Variants in TCERG1L observed in about 807,000 individuals in gnomAD.
TCERG1L encodes the protein transcription elongation regulator 1 like.
A neutral mutation model predicts 56.3 loss-of-function variants in TCERG1L; 37 were observed. That is an observed-to-expected ratio of 0.66 (90% CI 0.51 to 0.87). The LOEUF (loss-of-function observed/expected upper bound fraction) is 0.87. TCERG1L is among the 40% of genes least tolerant of loss of function. TCERG1L has a pLI of 0.00. For missense variants in TCERG1L, 799 were observed against 774.2 expected (o/e 1.03, Z -0.38); for synonymous variants, 324 against 326.3 (o/e 0.99, Z 0.08).
intron 4 of TCERG1L, among the ~76,000 whole-genome samples, chr10:131,195,532 C>T (rs1845350684): frequency 6.6e-6 from 1 of 152,204 alleles, no homozygotes; most frequent in South Asian, 2.1e-4. Context: ...TCTTCCCAAT[C>T]CCCCTCCCCT....
chr10:131,154,339 G>C (rs975823151), intron 6 of TCERG1L, among the ~76,000 whole-genome samples: 2 of 152,160 alleles, frequency 1.3e-5, no homozygotes, highest in Non-Finnish European at 2.9e-5. Flanking sequence ...TTCAAAATCA[G>C]CTGGCTGGTG....
chr10:131,286,460 T>C (rs1846544252), intron 3 of TCERG1L, among the ~76,000 whole-genome samples: 1 of 152,246 alleles, frequency 6.6e-6, no homozygotes, highest in Non-Finnish European at 1.5e-5. Flanking sequence ...ACCCGCATAC[T>C]AGCCTTATTT....
intron 4 of TCERG1L, among the ~76,000 whole-genome samples, chr10:131,223,796 T>C (rs1186544821): frequency 2.6e-5 from 4 of 151,870 alleles, no homozygotes; most frequent in Admixed American, 2.6e-4. Flanking sequence ...CCCTGAAGTC[T>C]CCTTTGGCAA....
chr10:131,291,396 C>CCTTTTTTTTTTT (rs1167056441), intron 3 of TCERG1L, among the ~76,000 whole-genome samples: 1 of 67,698 alleles, frequency 1.5e-5, no homozygotes, highest in Non-Finnish European at 2.8e-5. Flanking sequence ...CCATAAACAG[C>CCTTTTTTTTTTT]ATTTCTTTTT....
intron 3 of TCERG1L, among the ~76,000 whole-genome samples, chr10:131,286,122 G>A (rs1051128974): frequency 5.9e-5 from 9 of 152,150 alleles, no homozygotes; most frequent in South Asian, 2.1e-4. Context: ...TAACACGTCC[G>A]TGGCTCTTGC....
Position 131,260,388 on chromosome 10 carries a change from C to CGGT in TCERG1L, c.724_726dup (p.Thr242dup). The stretch of plus-strand genomic sequence containing the variant: ...ACGGAGACCATGGCAGCGGCGGCGG[C>CGGT]GGTGGCGATGGCAATGGCGGGGCTG... On this transcript the variant is annotated inframe_insertion, in exon 4 of 12. Transcript: ENST00000368642. This position sits in a 1 kb window ranked among gnomAD's most constrained non-coding sequence, Gnocchi z 5.8. The CGGT allele has an allele frequency of 6.7e-7, 1 of 1,485,228 alleles. No individual in the cohort carries two copies. The highest frequency in any genetic ancestry group is 8.9e-7 in the Non-Finnish European group (1 of 1,127,616). The allele number at this position is 1,485,228 out of a possible 1,614,324, so 92.0% of individuals were successfully genotyped here. A position where few individuals can be genotyped will look rare whatever the true frequency, so the allele number is the denominator to read the frequency against.
intron 6 of TCERG1L, among the ~76,000 whole-genome samples, chr10:131,158,662 G>A (rs1845946673): frequency 6.6e-6 from 1 of 152,118 alleles, no homozygotes; most frequent in Non-Finnish European, 1.5e-5. Flanking sequence ...CTTAGGAGAA[G>A]GTTGAGGTCT....
chr10:131,134,368 C>G lies in TCERG1L; in HGVS notation c.1259+11G>C. 1 of 1,578,362 alleles carries G rather than the reference C, an allele frequency of 6.3e-7. No homozygotes were observed. The highest frequency in any genetic ancestry group is 2.3e-5 in the East Asian group (1 of 43,370). On this transcript the variant is annotated intron_variant, in intron 8 of 11. Coordinates refer to ENST00000368642, the MANE Select transcript of TCERG1L (RefSeq NM_174937.4). Reference sequence around the variant, plus strand: ...GGGAAAGATCTGCTGGGGAAGAGCACGGCCACCTACCGGTTCCTCTTGGTT... The same window carrying G: ...GGGAAAGATCTGCTGGGGAAGAGCAGGGCCACCTACCGGTTCCTCTTGGTT...
chr10:131,124,576 T>G (rs780098739), intron 8 of TCERG1L, among the ~76,000 whole-genome samples: 6 of 152,190 alleles, frequency 3.9e-5, no homozygotes, highest in Non-Finnish European at 8.8e-5. Context: ...TTTGATATTT[T>G]CAGCTCTACG....
chr10:131,153,035 G>A (rs1462821876), intron 6 of TCERG1L, among the ~76,000 whole-genome samples: 1 of 152,160 alleles, frequency 6.6e-6, no homozygotes, highest in Non-Finnish European at 1.5e-5. Flanking sequence ...TTTGGGAGGG[G>A]ACACAGAGCC....
intron 9 of TCERG1L, among the ~76,000 whole-genome samples, 199 bp downstream of exon 9, chr10:131,116,600 G>A (rs189481981): frequency 6.6e-6 from 1 of 152,300 alleles, no homozygotes; most frequent in East Asian, 1.9e-4. Flanking sequence ...TAAGGGGGAG[G>A]CATCCCTCAG....
chr10:131,283,685 G>C (rs1372333054), intron 3 of TCERG1L, among the ~76,000 whole-genome samples: 1 of 152,114 alleles, frequency 6.6e-6, no homozygotes, highest in Non-Finnish European at 1.5e-5. Flanking sequence ...CGAAGATGAT[G>C]AAATTTCTAA....
chr10:131,259,225 C>T (rs759517489), intron 4 of TCERG1L, among the ~76,000 whole-genome samples: 5 of 152,204 alleles, frequency 3.3e-5, no homozygotes, highest in Non-Finnish European at 5.9e-5. Context: ...AGTCATGGAA[C>T]TAGGCTGTTT....
chr10:131,260,461 C>A lies in TCERG1L; in HGVS notation c.671-17G>T. 1 of 1,383,598 alleles carries A rather than the reference C, an allele frequency of 7.2e-7. No homozygotes were observed. 85.7% of individuals were successfully genotyped at this position (1,383,598 alleles called of 1,614,324 possible). ...GGCAGCCACCTGCGGAAGAGGGATG[C>A]AGAGGGTCAGCAAGGGGACGACCAG... On this transcript the variant is annotated splice_polypyrimidine_tract_variant and intron_variant, in intron 3 of 11. Transcript: ENST00000368642. The surrounding 1 kb of genome is among the most constrained non-coding windows in gnomAD (Gnocchi z 5.8).
rs955658177 is a variant in TCERG1L, at chr10:131,111,802, G to T, written c.1395+4997C>A. On this transcript the variant is annotated intron_variant, in intron 9 of 11. Transcript: ENST00000368642. ...ACACTATATTTTTTCATGTTGTGTT[G>T]AAAACACAAGAAGACAGATAGACAA... Among the ~76,000 whole-genome samples the T allele has an allele frequency of 1.4e-5, 2 of 143,180 alleles. 1 individual carries two copies. The highest frequency in any genetic ancestry group is 4.7e-4 in the East Asian group (2 of 4,244). 93.9% of individuals were successfully genotyped at this position (143,180 alleles called of 152,430 possible).
chr10:131,238,106 C>T (rs561224121), intron 4 of TCERG1L, among the ~76,000 whole-genome samples: 65 of 152,320 alleles, frequency 4.3e-4, no homozygotes, highest in African/African-American at 1.6e-3. Flanking sequence ...CACCTCACAG[C>T]CTGGCCTCTC....
chr10:131,236,840 T>C (rs72841348), intron 4 of TCERG1L, among the ~76,000 whole-genome samples: 4,443 of 152,094 alleles, frequency 0.029, 80 homozygotes, highest in Non-Finnish European at 0.044. Flanking sequence ...CTTCATCTAG[T>C]CTAGGTGCTT....
chr10:131,221,727 G>A (rs1194229165), intron 4 of TCERG1L, among the ~76,000 whole-genome samples: 2 of 152,316 alleles, frequency 1.3e-5, no homozygotes, highest in East Asian at 3.9e-4. Context: ...TTAGCCACGT[G>A]ACAGACAGCA....
At chr10:131,258,017 C>G (rs548202597) in intron 4 of TCERG1L, among the ~76,000 whole-genome samples, 3 of 152,364 alleles carry the variant, frequency 2.0e-5, no homozygotes, top group African/African-American at 4.8e-5. Flanking sequence ...CTGTGTTCTT[C>G]TGAGTCCATC....
Sources: allele counts gnomAD v4.1 joint callset (sites outside exome capture counted in the v4.1 genomes callset), GRCh38; gene constraint gnomAD v4.1.1; non-coding constraint Gnocchi (gnomAD v3.1); transcripts MANE v1.5; gene names NCBI Gene and HGNC (gene_info 2026-07-23, HGNC 2026-07-21).